The following TSPEAR variants were observed in gnomAD, a reference collection of about 807,000 sequenced individuals.
TSPEAR encodes the protein thrombospondin-type laminin G domain and EAR repeat-containing protein.
A neutral mutation model predicts 71.6 loss-of-function variants in TSPEAR; 69 were observed. The observed-to-expected ratio is 0.96, with a 90% CI of 0.79 to 1.18. TSPEAR has a LOEUF of 1.18. Ranked by LOEUF, TSPEAR falls within the 50% of genes most tolerant of loss-of-function variation. The pLI is 0.00. For missense variants in TSPEAR, 971 were observed against 894.9 expected, an observed-to-expected ratio of 1.09 and a Z score of -1.09; for synonymous variants, 402 against 387.2, an observed-to-expected ratio of 1.04 and a Z score of -0.45.
At chr21:44,535,708 A>G (rs2053077184) in intron 2 of TSPEAR, among the ~76,000 whole-genome samples, 1 of 152,160 alleles carries the variant, frequency 6.6e-6, no homozygotes, top group East Asian at 1.9e-4. Context: ...CTGGGACTAC[A>G]GGTGCACACC....
intron 2 of TSPEAR, among the ~76,000 whole-genome samples, chr21:44,549,094 T>G (rs1336023798): frequency 6.6e-6 from 1 of 152,214 alleles, no homozygotes; most frequent in Non-Finnish European, 1.5e-5. Context: ...CCTGCCCCTG[T>G]GCCCTTTTTT....
Position 44,703,446 on chromosome 21 carries a change from C to T in TSPEAR, c.82+7987G>A, listed in dbSNP as rs900081476. On this transcript the variant is annotated intron_variant, in intron 1 of 11. Coordinates refer to ENST00000323084, the MANE Select transcript of TSPEAR (RefSeq NM_144991.3). Reference sequence around the variant, plus strand: ...CTGGTGCCCCCATGCCTCCCTGTCCCTGGTGAGTTTGAGGAACCCCGGGGA... The same window carrying T: ...CTGGTGCCCCCATGCCTCCCTGTCCTTGGTGAGTTTGAGGAACCCCGGGGA... Among the ~76,000 whole-genome samples the T allele has an allele frequency of 1.8e-4, 27 of 152,224 alleles. 1 individual carries two copies. Among genetic ancestry groups the T allele is most frequent in the Non-Finnish European group, 2.9e-4 (20 of 68,032 alleles).
chr21:44,549,521 A>C (rs2053363529), intron 2 of TSPEAR, among the ~76,000 whole-genome samples: 1 of 152,264 alleles, frequency 6.6e-6, no homozygotes, highest in Non-Finnish European at 1.5e-5. Context: ...GGACAAAAAA[A>C]AGAATAATGT....
chr21:44,551,547 T>TGTGAGTGAG, intron 2 of TSPEAR: 1 of 1,517,660 alleles, frequency 6.6e-7, no homozygotes, highest in East Asian at 2.3e-5. Flanking sequence ...TGTGAGCCTG[T>TGTGAGTGAG]TGGCTGCTGG....
chr21:44,574,636 C>T, intron 1 of TSPEAR: 3 of 1,282,548 alleles, frequency 2.3e-6, no homozygotes, highest in Non-Finnish European at 2.1e-6. Context: ...TGCTCTGGGG[C>T]TTCCTCTCTG....
chr21:44,599,266 C>T (rs1980610836), intron 1 of TSPEAR, among the ~76,000 whole-genome samples: 2 of 151,780 alleles, frequency 1.3e-5, no homozygotes, highest in Non-Finnish European at 2.9e-5. Context: ...TACAGAAAGA[C>T]AATTCATCCC....
At chr21:44,699,129 G>A (rs973145329) in intron 1 of TSPEAR, among the ~76,000 whole-genome samples, 4 of 152,110 alleles carry the variant, frequency 2.6e-5, no homozygotes, top group African/African-American at 7.2e-5. Flanking sequence ...GCCGGGAGGC[G>A]GAGGGTGCAG....
chr21:44,698,165 T>A, intron 1 of TSPEAR: 1 of 617,496 alleles, frequency 1.6e-6, no homozygotes, highest in African/African-American at 1.8e-5. Flanking sequence ...CCAGACCACT[T>A]CCCACATTCC....
At chr21:44,631,692 C>A (rs1983266486) in intron 1 of TSPEAR, among the ~76,000 whole-genome samples, 1 of 152,188 alleles carries the variant, frequency 6.6e-6, no homozygotes, top group South Asian at 2.1e-4. Context: ...TGCCACTGCA[C>A]TCCAGCCTGA....
At chr21:44,697,591 A>G in intron 1 of TSPEAR, 2 of 1,606,658 alleles carry the variant, frequency 1.2e-6, no homozygotes, top group South Asian at 1.1e-5. Context: ...CTTCTTCTTC[A>G]TGCTGCCAGC....
At chr21:44,587,168 A>G (rs141457931) in intron 1 of TSPEAR, among the ~76,000 whole-genome samples, 5 of 152,324 alleles carry the variant, frequency 3.3e-5, no homozygotes, top group South Asian at 2.1e-4. Flanking sequence ...AGCTCCTAGA[A>G]CTGATAAAAG....
At chr21:44,672,644 C>T (rs1006798633) in intron 1 of TSPEAR, among the ~76,000 whole-genome samples, 1 of 152,122 alleles carries the variant, frequency 6.6e-6, no homozygotes, top group Non-Finnish European at 1.5e-5. Flanking sequence ...GAGATTTAAA[C>T]ATTCAGATGC....
At chr21:44,644,008 T>C (rs982560202) in intron 1 of TSPEAR, among the ~76,000 whole-genome samples, 1 of 152,252 alleles carries the variant, frequency 6.6e-6, no homozygotes, top group African/African-American at 2.4e-5. Context: ...TGTGTGTCAC[T>C]TGCAGAAGAC....
intron 1 of TSPEAR, among the ~76,000 whole-genome samples, chr21:44,614,007 C>CA (rs138790942): frequency 0.025 from 3,785 of 152,240 alleles, 158 homozygotes; most frequent in African/African-American, 0.086. Flanking sequence ...TGCCCAGCGG[C>CA]ATAGGGACTG....
intron 1 of TSPEAR, among the ~76,000 whole-genome samples, chr21:44,668,784 G>A (rs1985914127): frequency 6.6e-6 from 1 of 152,222 alleles, no homozygotes; most frequent in Non-Finnish European, 1.5e-5. Context: ...ACCTTTCAGT[G>A]AGGGAAGAAC....
At chr21:44,586,216 C>T (rs1979330014) in intron 1 of TSPEAR, among the ~76,000 whole-genome samples, 1 of 152,242 alleles carries the variant, frequency 6.6e-6, no homozygotes, top group Non-Finnish European at 1.5e-5. Context: ...GTCCCTGTGT[C>T]AGGGTCTCTG....
chr21:44,638,360 G>C (rs886831152), intron 1 of TSPEAR: 17 of 360,236 alleles, frequency 4.7e-5, no homozygotes, highest in Non-Finnish European at 7.3e-5. Context: ...TACTCCCCCA[G>C]ACCCAAGTTC....
chr21:44,678,004 C>A lies in TSPEAR; in HGVS notation c.82+33429G>T, dbSNP rs868908243. 1.2e-5 allele frequency: 12 copies of A among 970,676 alleles called. No individual in the cohort carries two copies. In the Middle Eastern group the frequency reaches 2.3e-3, roughly 186 times the overall value. 60.1% of individuals were successfully genotyped at this position (970,676 alleles called of 1,614,324 possible). On this transcript the variant is annotated intron_variant, in intron 1 of 11. Transcript: ENST00000323084. ...TGAAGTAGAGTATCGGCGGCATGGT[C>A]ACAGTGGACGGAGGACTAACTTCCC...
chr21:44,557,182 C>T lies in TSPEAR; in HGVS notation c.303+10603G>A, dbSNP rs587669576. ...CTGCAGGTGCTGCCATAGGTTTTGT[C>T]GGCTACATGAGAGGGTTCCTCACAT... On this transcript the variant is annotated intron_variant, in intron 2 of 11. Transcript: ENST00000323084. Among the ~76,000 whole-genome samples the T allele has an allele frequency of 5.9e-5, 9 of 152,246 alleles. No individual in the cohort carries two copies. The East Asian group carries it at 9.7e-4, about 16-fold the overall frequency.
Sources: gnomAD v4.1 joint callset for allele counts (sites outside exome capture counted in the v4.1 genomes callset) on GRCh38, gnomAD v4.1.1 for gene constraint, MANE v1.5 for transcripts, NCBI Gene and HGNC (gene_info 2026-07-23, HGNC 2026-07-21) for gene names.